Variants in DLGAP2 observed in about 807,000 individuals in gnomAD.
DLGAP2 encodes DLG associated protein 2.
In DLGAP2, 26 loss-of-function variants were observed where a neutral mutation model predicts 100.3. The ratio of observed to expected loss-of-function variants is 0.26; its 90% CI spans 0.19 to 0.36. The LOEUF (loss-of-function observed/expected upper bound fraction) is 0.36. Among genes scored for constraint, DLGAP2 ranks in the 10% least tolerant of loss-of-function variants. The pLI is 1.00. For synonymous variants in DLGAP2, 886 were observed against 630.1 expected (o/e 1.41, Z -6.08); for missense variants, 1,858 against 1,453.2 (o/e 1.28, Z -4.53).
At chr8:1,382,196 TA>T (rs1315450135) in intron 3 of DLGAP2, among the ~76,000 whole-genome samples, 11 of 152,168 alleles carry the variant, frequency 7.2e-5, no homozygotes, top group African/African-American at 2.7e-4. Flanking sequence ...ATTCATACAG[TA>T]AAGTAAGCTA....
intron 2 of DLGAP2, among the ~76,000 whole-genome samples, chr8:1,028,141 G>A (rs1359883144): frequency 6.7e-5 from 9 of 134,544 alleles, no homozygotes; most frequent in African/African-American, 2.6e-4. Flanking sequence ...TCACGCGCCC[G>A]TTATTCTCCA....
intron 3 of DLGAP2, among the ~76,000 whole-genome samples, chr8:1,355,452 C>T (rs953372621): frequency 7.2e-5 from 11 of 152,236 alleles, no homozygotes; most frequent in African/African-American, 1.9e-4. Flanking sequence ...GCAACCTCCA[C>T]CTCCCGGGTT....
At chr8:1,688,617 T>G (rs1034989118) in intron 12 of DLGAP2, among the ~76,000 whole-genome samples, 3 of 152,294 alleles carry the variant, frequency 2.0e-5, no homozygotes, top group Middle Eastern at 6.8e-3. Context: ...GGTTATACTC[T>G]TCTTTCCCAT....
intron 6 of DLGAP2, among the ~76,000 whole-genome samples, chr8:1,570,078 C>G (rs890999065): frequency 6.6e-6 from 1 of 152,242 alleles, no homozygotes; most frequent in African/African-American, 2.4e-5. Context: ...TTCCAGGAAA[C>G]AAGGGCACGC....
intron 3 of DLGAP2, among the ~76,000 whole-genome samples, chr8:1,269,823 A>G (rs987855887): frequency 6.6e-6 from 1 of 152,116 alleles, no homozygotes; most frequent in Non-Finnish European, 1.5e-5. Context: ...CTAGAGAATC[A>G]CCGTGGTGTA....
chr8:1,617,406 A>G (rs1368893714), intron 6 of DLGAP2, among the ~76,000 whole-genome samples: 2 of 152,160 alleles, frequency 1.3e-5, no homozygotes, highest in East Asian at 3.8e-4. Flanking sequence ...TCCACTTTTT[A>G]GTAATAGCCA....
rs113067957 is a variant in DLGAP2 at position 1,442,297 on chromosome 8, A to G, written c.107-59069A>G. 2.8e-3 allele frequency among the ~76,000 whole-genome samples: 399 copies of G among 142,000 alleles called. 5 individuals are homozygous for G. The highest frequency in any genetic ancestry group is 0.01 in the African/African-American group (387 of 37,798). 93.2% of individuals were successfully genotyped at this position (142,000 alleles called of 152,430 possible). A position where few individuals can be genotyped will look rare whatever the true frequency, so the allele number is the denominator to read the frequency against. On this transcript the variant is annotated intron_variant, in intron 3 of 14. Transcript: ENST00000637795. ...TGGAGAAGGAGATGGATCCAGTCAT[A>G]GACCTGCCAGGCTGCTGATGGGTTC...
At chr8:965,362 T>C (rs61291861) in intron 2 of DLGAP2, among the ~76,000 whole-genome samples, 622 of 46,246 alleles carry the variant, frequency 0.013, 27 homozygotes, top group Admixed American at 0.025. Context: ...CTCCTGAGTC[T>C]GACCCCTGCG....
At chr8:746,638 C>G (rs1185533227) in intron 1 of DLGAP2, among the ~76,000 whole-genome samples, 4 of 152,396 alleles carry the variant, frequency 2.6e-5, no homozygotes, top group East Asian at 3.9e-4. Flanking sequence ...CAGCTGCACA[C>G]TGGCAGGTGC....
chr8:1,068,150 T>G (rs181869709), intron 2 of DLGAP2, among the ~76,000 whole-genome samples: 25 of 152,338 alleles, frequency 1.6e-4, no homozygotes, highest in African/African-American at 5.3e-4. Context: ...TATTTCTTTT[T>G]AGCAGTGAGT....
intron 3 of DLGAP2, among the ~76,000 whole-genome samples, chr8:1,485,881 G>A (rs890466831): frequency 1.3e-5 from 2 of 152,154 alleles, no homozygotes; most frequent in African/African-American, 4.8e-5. Flanking sequence ...AAAATTAGCT[G>A]GGTGTGGTGG....
intron 2 of DLGAP2, among the ~76,000 whole-genome samples, chr8:1,074,797 C>G (rs1370917045): frequency 2.6e-5 from 4 of 152,162 alleles, no homozygotes; most frequent in African/African-American, 9.7e-5. Context: ...ATTATATAGA[C>G]TTGATGCAGG....
At chr8:877,351 A>G (rs767935703) in intron 1 of DLGAP2, among the ~76,000 whole-genome samples, 1 of 152,092 alleles carries the variant, frequency 6.6e-6, no homozygotes, top group Non-Finnish European at 1.5e-5. Context: ...AGAGGAGTCT[A>G]GACTCTCTGC....
intron 2 of DLGAP2, among the ~76,000 whole-genome samples, chr8:918,444 C>G (rs528266543): frequency 4.6e-5 from 7 of 152,244 alleles, no homozygotes; most frequent in East Asian, 1.9e-4. Flanking sequence ...AGACTGTTTT[C>G]TGATTGTGTA....
chr8:1,185,339 C>T (rs1055742248), intron 2 of DLGAP2, among the ~76,000 whole-genome samples: 7 of 152,140 alleles, frequency 4.6e-5, no homozygotes, highest in East Asian at 1.9e-4. Flanking sequence ...ATTCTGCTGA[C>T]GTCATCCTGG....
At chr8:1,555,337 C>T (rs964849889) in intron 5 of DLGAP2, among the ~76,000 whole-genome samples, 3 of 152,204 alleles carry the variant, frequency 2.0e-5, no homozygotes, top group Non-Finnish European at 2.9e-5. Context: ...CGGTGACCTC[C>T]GCTTCCAGGA....
chr8:1,055,500 T>TA (rs1438892873), intron 2 of DLGAP2, among the ~76,000 whole-genome samples: 6 of 152,232 alleles, frequency 3.9e-5, no homozygotes, highest in Admixed American at 6.5e-5. Context: ...TTTTTCTACT[T>TA]AAAGTCTGTT....
In DLGAP2 at chr8:1,258,847, T is replaced by G. The variant is rs1399269595; in HGVS notation, c.74-4T>G. On this transcript the variant is annotated splice_region_variant and splice_polypyrimidine_tract_variant and intron_variant, in intron 2 of 14. Transcript: ENST00000637795. Reference sequence around the variant, plus strand: ...TAACAGCTTCTCTCTGTCTCTGTTTTCAGAGTCGCAGTGCACGCTCTGCGG... The same window carrying G: ...TAACAGCTTCTCTCTGTCTCTGTTTGCAGAGTCGCAGTGCACGCTCTGCGG... The G allele has an allele frequency of 1.6e-6, 2 of 1,231,762 alleles. No individual in the cohort carries two copies. Among genetic ancestry groups the G allele is most frequent in the Non-Finnish European group, 2.0e-6 (2 of 987,986 alleles). The allele number at this position is 1,231,762 out of a possible 1,614,324, so 76.3% of individuals were successfully genotyped here.
chr8:1,378,649 G>C (rs551433827), intron 3 of DLGAP2, among the ~76,000 whole-genome samples: 1 of 152,176 alleles, frequency 6.6e-6, no homozygotes, highest in Non-Finnish European at 1.5e-5. Flanking sequence ...TCATCTGTCC[G>C]TCCTGCACAC....
Sources: gnomAD v4.1 joint callset for allele counts (sites outside exome capture counted in the v4.1 genomes callset) on GRCh38, gnomAD v4.1.1 for gene constraint, MANE v1.5 for transcripts, NCBI Gene and HGNC (gene_info 2026-07-23, HGNC 2026-07-21) for gene names.